ENPP2: variants seen among roughly 807,000 people sequenced by gnomAD.
ENPP2 encodes the protein ectonucleotide pyrophosphatase/phosphodiesterase 2.
ENPP2 carries 51 observed loss-of-function variants against 120.2 expected under a neutral mutation model. That is an observed-to-expected ratio of 0.42 (90% CI 0.34 to 0.54). The LOEUF (loss-of-function observed/expected upper bound fraction) is 0.54, where lower values mean the gene tolerates loss of function less well. Ranked by LOEUF, ENPP2 falls within the 20% of genes least tolerant of loss-of-function variation. ENPP2 has a pLI of 0.04. For synonymous variants in ENPP2, 365 were observed against 366.4 expected (o/e 1.00, Z 0.04); for missense variants, 920 against 1,066.5 (o/e 0.86, Z 1.91).
intron 3 of ENPP2, among the ~76,000 whole-genome samples, chr8:119,624,439 C>T (rs1816127630): frequency 1.3e-5 from 2 of 152,064 alleles, no homozygotes; most frequent in Admixed American, 6.5e-5. Context: ...TTAGTAGAAA[C>T]ATAAACTTTC....
chr8:119,649,998 A>G (rs897306225), intron 1 of ENPP2, among the ~76,000 whole-genome samples: 3 of 152,224 alleles, frequency 2.0e-5, no homozygotes, highest in African/African-American at 7.2e-5. Flanking sequence ...ATAGAGTTAC[A>G]CATATAACTC....
chr8:119,671,950 AAG>A (rs1215630128), intron 1 of ENPP2, among the ~76,000 whole-genome samples: 8 of 152,216 alleles, frequency 5.3e-5, no homozygotes, highest in African/African-American at 1.9e-4. Context: ...CAGAGTCAAA[AAG>A]AGAAAGGAAA....
At chr8:119,592,492 A>AG (rs1246680526) in intron 12 of ENPP2, among the ~76,000 whole-genome samples, 3 of 151,266 alleles carry the variant, frequency 2.0e-5, no homozygotes, top group African/African-American at 7.3e-5. Flanking sequence ...AAAAAAAAAA[A>AG]AAAAAGAAGA....
chr8:119,618,175 T>C (rs1017368634), intron 5 of ENPP2: 2 of 373,722 alleles, frequency 5.4e-6, no homozygotes, highest in Admixed American at 7.4e-5. Context: ...GGTAGCTTTT[T>C]TTGAGATGAG....
chr8:119,618,396 G>C (rs534891673), intron 5 of ENPP2: 1 of 463,558 alleles, frequency 2.2e-6, no homozygotes, highest in African/African-American at 2.0e-5. Context: ...CCAGCCACCT[G>C]TTTGCCTCCC....
At chr8:119,640,895 T>A (rs1817267069), upstream of ENPP2, among the ~76,000 whole-genome samples, 1 of 152,016 alleles carries the variant, frequency 6.6e-6, no homozygotes, top group Non-Finnish European at 1.5e-5. Flanking sequence ...TACAGGTGCA[T>A]GCCAACACGC....
Position 119,601,458 on chromosome 8 carries a change from T to A in ENPP2, c.838A>T (p.Ile280Phe). ...KAGTFFWSVV[I>F]PHERRILTIL... The stretch of plus-strand genomic sequence containing the variant: ...GTTAATATTCTCCGCTCGTGAGGGA[T>A]GACACTGGAGGGTAAAAGCAAGCAA... Residue 280 changes from isoleucine (I) to phenylalanine (F), a missense_variant, in exon 10 of 25, where the codon ATC (isoleucine) becomes TTC (phenylalanine). Coordinates refer to ENST00000075322, the MANE Select transcript of ENPP2 (RefSeq NM_001040092.3). 6.2e-7 allele frequency: 1 copy of A among 1,612,894 alleles called. No individual in the cohort carries two copies. Among genetic ancestry groups the A allele is most frequent in the Non-Finnish European group, 8.5e-7 (1 of 1,178,926 alleles).
intron 13 of ENPP2, among the ~76,000 whole-genome samples, chr8:119,588,656 T>A (rs1018526010): frequency 1.2e-4 from 18 of 151,840 alleles, no homozygotes; most frequent in South Asian, 8.3e-4. Flanking sequence ...GAGGAGGAGT[T>A]GGCACTCTGA....
chr8:119,583,654 G>A (rs182023689), intron 17 of ENPP2, 63 bp downstream of exon 17: 20 of 909,000 alleles, frequency 2.2e-5, no homozygotes, highest in Non-Finnish European at 2.9e-5. Context: ...CTCTGACATT[G>A]AGAAAGATCA....
At chr8:119,573,407 T>TAAAAAAAAAAA (rs1563680979) in intron 19 of ENPP2, among the ~76,000 whole-genome samples, 12 of 71,546 alleles carry the variant, frequency 1.7e-4, no homozygotes, top group African/African-American at 7.8e-4. Flanking sequence ...GCTCCGTCTC[T>TAAAAAAAAAAA]TAAAAAAAAA....
chr8:119,574,570 G>A (rs895791284), intron 19 of ENPP2, among the ~76,000 whole-genome samples: 48 of 151,936 alleles, frequency 3.2e-4, no homozygotes, highest in Admixed American at 3.2e-3. Flanking sequence ...TTTTTAAGTG[G>A]TGTGGACTTC....
chr8:119,633,267 G>T (rs1587540703), intron 2 of ENPP2, among the ~76,000 whole-genome samples: 1 of 152,160 alleles, frequency 6.6e-6, no homozygotes, highest in Admixed American at 6.5e-5. Flanking sequence ...AATAGAAGAG[G>T]CAGTATTTAA....
chr8:119,663,220 A>G (rs1375628153), intron 1 of ENPP2, among the ~76,000 whole-genome samples: 1 of 152,224 alleles, frequency 6.6e-6, no homozygotes, highest in Non-Finnish European at 1.5e-5. Context: ...TTTTCAAGTT[A>G]GGTCAAAAAA....
intron 5 of ENPP2, chr8:119,618,311 T>C (rs1815620994): frequency 2.0e-6 from 1 of 488,340 alleles, no homozygotes; most frequent in Non-Finnish European, 4.1e-6. Context: ...GATGCTTTTG[T>C]TCTTATGGGC....
In ENPP2 at chr8:119,583,980, G is replaced by A. The variant is rs1812932014; in HGVS notation, c.1437C>T (p.Asn479=). The A allele has an allele frequency of 6.2e-7, 1 of 1,613,102 alleles. No homozygotes were observed. The highest frequency in any genetic ancestry group is 2.2e-5 in the East Asian group (1 of 44,858). ...ATCATACCTGCATGCTGTTGACCTT[G>A]TTATCAAATCCGTGGTCTCCCTGGA... ...CFFQGDHGFD[N]KVNSMQTVFV... Residue 479 remains asparagine (N), a synonymous_variant, in exon 16 of 25, where the codon AAC becomes AAT. Transcript: ENST00000075322.
intron 13 of ENPP2, among the ~76,000 whole-genome samples, chr8:119,588,387 G>C (rs1813263790): frequency 6.6e-6 from 1 of 151,852 alleles, no homozygotes; most frequent in Non-Finnish European, 1.5e-5. Context: ...AAATTAGCCA[G>C]GCTTGGTGGC....
chr8:119,610,319 G>A (rs906694245), intron 8 of ENPP2, among the ~76,000 whole-genome samples: 6 of 152,070 alleles, frequency 3.9e-5, no homozygotes, highest in African/African-American at 1.4e-4. Context: ...TAAAAGTCAG[G>A]TTGACCACAT....
In ENPP2 at chr8:119,566,851, A is replaced by G. The variant is rs868813204; in HGVS notation, c.2131+1324T>C. On this transcript the variant is annotated intron_variant, in intron 22 of 24. Transcript: ENST00000075322. The stretch of plus-strand genomic sequence containing the variant: ...TATGTGAGTTTCTGAAATGCTTCTC[A>G]GTTGGGTCTGAGAACAAACCAAGAA... 5.9e-5 allele frequency among the ~76,000 whole-genome samples: 9 copies of G among 152,380 alleles called. No individual in the cohort carries two copies. The Middle Eastern group carries it at 0.01, about 173-fold the overall frequency.
At chr8:119,623,601 A>C (rs1816061367) in intron 3 of ENPP2, among the ~76,000 whole-genome samples, 2 of 151,934 alleles carry the variant, frequency 1.3e-5, no homozygotes, top group Admixed American at 1.3e-4. Context: ...TTGCATCCTG[A>C]TTCTGCTGTC....
Sources: gnomAD v4.1 joint callset for allele counts (sites outside exome capture counted in the v4.1 genomes callset) on GRCh38, gnomAD v4.1.1 for gene constraint, MANE v1.5 for transcripts, NCBI Gene and HGNC (gene_info 2026-07-23, HGNC 2026-07-21) for gene names.